The following DTNA variants were observed in gnomAD, a reference collection of about 807,000 sequenced individuals.
The protein encoded by DTNA is dystrobrevin alpha, also known as dystrophin-related protein 3.
In DTNA, 43 loss-of-function variants were observed where a neutral mutation model predicts 100.7. The ratio of observed to expected loss-of-function variants is 0.43; its 90% CI spans 0.33 to 0.55. DTNA has a LOEUF of 0.55. DTNA is among the 20% of genes least tolerant of loss of function. DTNA has a pLI of 0.04. For missense variants in DTNA, 798 were observed against 953.9 expected (o/e 0.84, Z 2.15); for synonymous variants, 349 against 347.9 (o/e 1.00, Z -0.04).
At chr18:34,536,128 A>G (rs186377097) in intron 1 of DTNA, among the ~76,000 whole-genome samples, 2 of 152,156 alleles carry the variant, frequency 1.3e-5, no homozygotes, top group Admixed American at 1.3e-4. Context: ...TACTTCAATT[A>G]TAAGGACCTT....
At chr18:34,535,448 T>C (rs551380461) in intron 1 of DTNA, among the ~76,000 whole-genome samples, 4 of 152,222 alleles carry the variant, frequency 2.6e-5, no homozygotes, top group East Asian at 1.9e-4. Context: ...AGGCTGCTTG[T>C]ACCCTCTGAT....
intron 1 of DTNA, among the ~76,000 whole-genome samples, chr18:34,715,865 A>G (rs1175046371): frequency 6.6e-6 from 1 of 152,212 alleles, no homozygotes; most frequent in Non-Finnish European, 1.5e-5. Flanking sequence ...TGTAAGAAAA[A>G]GCACTTCCCT....
chr18:34,849,500 A>G (rs1047921806), intron 14 of DTNA, among the ~76,000 whole-genome samples: 1 of 152,192 alleles, frequency 6.6e-6, no homozygotes. Flanking sequence ...ATCTGTACAC[A>G]GGTGTAAATA....
intron 1 of DTNA, among the ~76,000 whole-genome samples, chr18:34,586,016 C>A (rs958374247): frequency 6.6e-6 from 1 of 152,166 alleles, no homozygotes; most frequent in South Asian, 2.1e-4. Context: ...CAGGGACTGC[C>A]TCATGGAGGA....
intron 1 of DTNA, among the ~76,000 whole-genome samples, chr18:34,542,615 AGTTACT>A (rs1437897968): frequency 6.6e-6 from 1 of 152,066 alleles, no homozygotes; most frequent in African/African-American, 2.4e-5. Flanking sequence ...GATTCATTCA[AGTTACT>A]GAAGAAATGT....
intron 13 of DTNA, 39 bp from the exon 14 acceptor site, chr18:34,848,257 A>T (rs1455972062): frequency 2.5e-6 from 4 of 1,596,898 alleles, no homozygotes; most frequent in Admixed American, 1.7e-5. Context: ...AATCTTTCTC[A>T]GTTGCCTAAC....
chr18:34,884,257 C>G (rs1347888502), intron 21 of DTNA, among the ~76,000 whole-genome samples: 1 of 151,824 alleles, frequency 6.6e-6, no homozygotes, highest in Non-Finnish European at 1.5e-5. Context: ...TCTTTTTTTT[C>G]TTTAAGGGAG....
chr18:34,593,120 C>A (rs1022768154), intron 1 of DTNA, among the ~76,000 whole-genome samples: 4 of 152,038 alleles, frequency 2.6e-5, no homozygotes, highest in African/African-American at 7.2e-5. Context: ...CAAGTGTTTC[C>A]GTAATATCCG....
rs578249361 is a variant in DTNA, at chr18:34,806,202, C to G, written c.363-17C>G. The G allele has an allele frequency of 5.0e-5, 80 of 1,608,470 alleles. No individual in the cohort carries two copies. The highest frequency in any genetic ancestry group is 6.6e-5 in the Non-Finnish European group (77 of 1,175,550). On this transcript the variant is annotated splice_polypyrimidine_tract_variant and intron_variant, in intron 4 of 22. Coordinates refer to ENST00000444659, the MANE Select transcript of DTNA (RefSeq NM_001386795.1). ...TTTTGTTTTTGTTTTTGTTTTTTTTCTATTACCATTAAACAGGGAAGGCCA... is the reference window on the plus strand; with the variant it reads ...TTTTGTTTTTGTTTTTGTTTTTTTTGTATTACCATTAAACAGGGAAGGCCA...
intron 22 of DTNA, among the ~76,000 whole-genome samples, chr18:34,886,441 G>A (rs761794331): frequency 6.6e-6 from 1 of 152,160 alleles, no homozygotes; most frequent in Admixed American, 6.5e-5. Context: ...TTAGTCCCAA[G>A]GGGCAGGCCT....
intron 3 of DTNA, among the ~76,000 whole-genome samples, chr18:34,787,696 A>T (rs2094556687): frequency 6.6e-6 from 1 of 152,158 alleles, no homozygotes; most frequent in South Asian, 2.1e-4. Flanking sequence ...AAAACACATT[A>T]AAAATATCTC....
At chr18:34,705,053 C>G (rs2081944142) in intron 1 of DTNA, among the ~76,000 whole-genome samples, 1 of 152,124 alleles carries the variant, frequency 6.6e-6, no homozygotes, top group Non-Finnish European at 1.5e-5. Context: ...TTTTCTTCTA[C>G]CCCAACGTAC....
At chr18:34,777,579 G>A (rs765857232) in intron 3 of DTNA, among the ~76,000 whole-genome samples, 1 of 152,120 alleles carries the variant, frequency 6.6e-6, no homozygotes, top group Non-Finnish European at 1.5e-5. Context: ...TAACTGACTC[G>A]CCATTCCATG....
At chr18:34,572,097 A>G (rs1355647432) in intron 1 of DTNA, among the ~76,000 whole-genome samples, 4 of 152,196 alleles carry the variant, frequency 2.6e-5, no homozygotes, top group African/African-American at 7.2e-5. Flanking sequence ...ACTGGGGAAG[A>G]AAAACACAAA....
intron 1 of DTNA, among the ~76,000 whole-genome samples, chr18:34,552,960 T>C (rs1200099340): frequency 6.7e-6 from 1 of 149,180 alleles, no homozygotes; most frequent in Non-Finnish European, 1.5e-5. Context: ...CACACTGACT[T>C]CCACAATGGT....
At chr18:34,853,328 T>G (rs911300087) in intron 15 of DTNA, among the ~76,000 whole-genome samples, 2 of 152,226 alleles carry the variant, frequency 1.3e-5, no homozygotes, top group Non-Finnish European at 2.9e-5. Context: ...GAGGTCAAAC[T>G]GGAGGAGTAA....
intron 1 of DTNA, among the ~76,000 whole-genome samples, chr18:34,671,147 G>A (rs987003721): frequency 1.4e-4 from 21 of 152,124 alleles, no homozygotes; most frequent in African/African-American, 2.7e-4. Flanking sequence ...CCCCAGTCTC[G>A]CTGCCACCTT....
At position 34,637,131 on chromosome 18, in the gene DTNA, C is replaced by G. The variant is rs77438941; in HGVS notation, c.-1-118845C>G. Among the ~76,000 whole-genome samples, 1,235 of 152,278 alleles carry G rather than the reference C, an allele frequency of 8.1e-3. 10 individuals are homozygous for G. Among genetic ancestry groups the G allele is most frequent in the Non-Finnish European group, 0.013 (892 of 68,024 alleles). On this transcript the variant is annotated intron_variant, in intron 1 of 19. Transcript: ENST00000283365. Reference sequence around the variant, plus strand: ...TTGCGTAATTGCTGATATTTGCTCCCTAATTGTTCCAAGAGAAAGGAAATG... The same window carrying G: ...TTGCGTAATTGCTGATATTTGCTCCGTAATTGTTCCAAGAGAAAGGAAATG...
At chr18:34,579,312 T>C (rs1036299949) in intron 1 of DTNA, among the ~76,000 whole-genome samples, 1 of 152,190 alleles carries the variant, frequency 6.6e-6, no homozygotes, top group African/African-American at 2.4e-5. Context: ...TAGATGATGA[T>C]AGATATGTAG....
Sources: gnomAD v4.1 joint callset for allele counts (sites outside exome capture counted in the v4.1 genomes callset) on GRCh38, gnomAD v4.1.1 for gene constraint, MANE v1.5 for transcripts, NCBI Gene and HGNC (gene_info 2026-07-23, HGNC 2026-07-21) for gene names.